Variants in IFI6 observed in about 807,000 individuals in gnomAD.
IFI6 encodes the protein interferon alpha-inducible protein 6.
Under a neutral mutation model 12.7 loss-of-function variants are expected in IFI6, and 10 were observed. That is an observed-to-expected ratio of 0.79 (90% CI 0.49 to 1.33). The LOEUF (loss-of-function observed/expected upper bound fraction) is 1.33. IFI6 is among the 40% of genes most tolerant of loss of function. IFI6 has a pLI of 0.00. For synonymous variants in IFI6, 89 were observed against 86.2 expected (o/e 1.03, Z -0.18); for missense variants, 154 against 180.4 (o/e 0.85, Z 0.84).
chr1:27,666,613 A>G (rs2090353795), intron 4 of IFI6, 138 bp from the exon 5 acceptor site: 1 of 479,888 alleles, frequency 2.1e-6, no homozygotes, highest in Non-Finnish European at 3.5e-6. Flanking sequence ...TGGCACTACT[A>G]CAAAGTGAGT....
At chr1:27,669,381 C>T in intron 1 of IFI6, 35 bp from the exon 2 acceptor site, 3 of 1,357,710 alleles carry the variant, frequency 2.2e-6, no homozygotes, top group Non-Finnish European at 3.1e-6. Context: ...GTCCCCGGAG[C>T]ATTTTTGGAG....
intron 4 of IFI6, among the ~76,000 whole-genome samples, chr1:27,667,838 AG>A (rs1407656533): frequency 1.3e-5 from 2 of 152,216 alleles, no homozygotes; most frequent in African/African-American, 4.8e-5. Flanking sequence ...TGGGACGCCG[AG>A]GCGGGCGGAT....
In IFI6 at chr1:27,666,075, T is replaced by G. The variant is rs879124254; in HGVS notation, c.*306A>C. The stretch of plus-strand genomic sequence containing the variant: ...ACAGCAGGACAAAGTGTTTTCTGGG[T>G]GAAGTTTATTCTGTTTTCACATCTA... On this transcript the variant is annotated 3_prime_UTR_variant, in exon 5 of 5. Transcript: ENST00000361157. 3.7e-5 allele frequency: 9 copies of G among 243,180 alleles called. No homozygotes were observed. The South Asian group carries it at 6.8e-4, about 18-fold the overall frequency. The allele number at this position is 243,180 out of a possible 1,614,324, so 15.1% of individuals were successfully genotyped here. A position where few individuals can be genotyped will look rare whatever the true frequency, so the allele number is the denominator to read the frequency against.
intron 1 of IFI6, among the ~76,000 whole-genome samples, chr1:27,669,740 C>A (rs185953331): frequency 6.6e-6 from 1 of 152,200 alleles, no homozygotes; most frequent in Non-Finnish European, 1.5e-5. Flanking sequence ...TCAGAGGGTA[C>A]TTGTTAATTT....
Position 27,666,289 on chromosome 1 carries a change from C to CAAAA in IFI6, c.*88_*91dup, listed in dbSNP as rs10649401. On this transcript the variant is annotated 3_prime_UTR_variant, in exon 5 of 5. Transcript: ENST00000361157. ...TGGACAATATAGTGAGAACCCATCT[C>CAAAA]AAAAAAAAAAAAAAAAAAAAAAAGG... The CAAAA allele has an allele frequency of 0.016, 3,963 of 251,028 alleles. 10 individuals are homozygous for CAAAA. The highest frequency in any genetic ancestry group is 0.019 in the South Asian group (615 of 33,216). The allele number at this position is 251,028 out of a possible 1,614,324, so 15.6% of individuals were successfully genotyped here. A position where few individuals can be genotyped will look rare whatever the true frequency, so the allele number is the denominator to read the frequency against.
intron 4 of IFI6, among the ~76,000 whole-genome samples, chr1:27,667,845 C>A (rs994497251): frequency 1.3e-5 from 2 of 152,222 alleles, no homozygotes; most frequent in East Asian, 1.9e-4. Context: ...CCGAGGCGGG[C>A]GGATCAGCTG....
intron 2 of IFI6, among the ~76,000 whole-genome samples, chr1:27,668,826 A>G (rs2090376975): frequency 6.6e-6 from 1 of 151,996 alleles, no homozygotes; most frequent in Non-Finnish European, 1.5e-5. Flanking sequence ...GGGTCTCTAC[A>G]GAAGCACGCC....
rs1409484440 is a variant in IFI6, at chr1:27,668,321, G to A, written c.203C>T (p.Ala68Val). 6.4e-7 allele frequency: 1 copy of A among 1,571,888 alleles called. No homozygotes were observed. The highest frequency in any genetic ancestry group is 8.6e-7 in the Non-Finnish European group (1 of 1,160,614). Residue 68 changes from alanine (A) to valine (V), a missense_variant, in exon 4 of 5, where the codon GCC becomes GTC. Physicochemically the swap from Ala to Val is moderately conservative, Grantham distance 64. Coordinates refer to ENST00000361157, the MANE Select transcript of IFI6 (RefSeq NM_002038.4). ...ALGFTGAGIA[A>V]NSVAASLMSW... ...CATCAGCGAGGCAGCCACCGAGTTGGCCGCGATGCCGGCGCCGGTGAAGCC... is the reference window on the plus strand; with the variant it reads ...CATCAGCGAGGCAGCCACCGAGTTGACCGCGATGCCGGCGCCGGTGAAGCC...
At chr1:27,670,801 G>A (rs1459838712) in intron 1 of IFI6, among the ~76,000 whole-genome samples, 5 of 152,092 alleles carry the variant, frequency 3.3e-5, no homozygotes, top group Non-Finnish European at 7.4e-5. Context: ...TTAAATCACT[G>A]CCCATTGGTA....
chr1:27,666,399 A>C lies in IFI6; in HGVS notation c.375T>G (p.Ser125Arg). The change falls in exon 5 of 5, where the codon AGT (serine) becomes AGG (arginine). Residue 125 changes from serine (S) to arginine (R), a missense_variant. Coordinates refer to ENST00000361157, the MANE Select transcript of IFI6 (RefSeq NM_002038.4). ...CTGCTGGCTACTCCTCATCCTCCTC[A>C]CTATCGAGATACTTGTGGGTGGCGT... ...MGYATHKYLDSEEDEE is the reference protein window; with the variant it reads ...MGYATHKYLDREEDEE The C allele has an allele frequency of 6.8e-6, 11 of 1,612,226 alleles. No individual in the cohort carries two copies. The highest frequency in any genetic ancestry group is 9.3e-6 in the Non-Finnish European group (11 of 1,179,298).
intron 1 of IFI6, among the ~76,000 whole-genome samples, chr1:27,671,084 A>T (rs2148545832): frequency 6.6e-6 from 1 of 152,214 alleles, no homozygotes; most frequent in East Asian, 1.9e-4. Context: ...AAACTGGAAA[A>T]TGCATATGCC....
chr1:27,668,244 C>A lies in IFI6; in HGVS notation c.280G>T (p.Ala94Ser). Reference protein sequence around the residue: ...GGGVPAGGLVATLQSLGAGGS... With the variant: ...GGGVPAGGLVSTLQSLGAGGS... ...CACTCACCGAGGCTCTGCAGCGTGG[C>A]CACTAGCCCCCCGGCGGGCACGCCG... The change falls in exon 4 of 5, where the codon GCC becomes TCC. Residue 94 changes from alanine (A) to serine (S), a missense_variant. Transcript: ENST00000361157. 2 of 1,568,060 alleles carry A rather than the reference C, an allele frequency of 1.3e-6. No individual in the cohort carries two copies. Among genetic ancestry groups the A allele is most frequent in the Non-Finnish European group, 1.7e-6 (2 of 1,162,534 alleles).
chr1:27,670,473 G>A (rs2090395895), intron 1 of IFI6: 1 of 147,452 alleles, frequency 6.8e-6, no homozygotes, highest in African/African-American at 2.5e-5. Context: ...TTTTTTTTGA[G>A]ATGGGGTTTC....
chr1:27,667,487 C>T (rs2090360769), intron 4 of IFI6, among the ~76,000 whole-genome samples: 2 of 152,038 alleles, frequency 1.3e-5, no homozygotes, highest in Non-Finnish European at 2.9e-5. Flanking sequence ...TTATCTGTTC[C>T]CTCCATGGTG....
Position 27,668,206 on chromosome 1 carries a change from G to A in IFI6, c.298+20C>T, listed in dbSNP as rs753785315. Reference sequence around the variant, plus strand: ...TAATAGTAAAGAACGTCCCACCAGGGGCCCAGGCCCCGCACTCACCGAGGC... The same window carrying A: ...TAATAGTAAAGAACGTCCCACCAGGAGCCCAGGCCCCGCACTCACCGAGGC... On this transcript the variant is annotated intron_variant, in intron 4 of 4. Coordinates refer to ENST00000361157, the MANE Select transcript of IFI6 (RefSeq NM_002038.4). 1.4e-6 allele frequency: 2 copies of A among 1,470,022 alleles called. No homozygotes were observed. The highest frequency in any genetic ancestry group is 2.5e-4 in the Middle Eastern group (1 of 4,076). 91.1% of individuals were successfully genotyped at this position (1,470,022 alleles called of 1,614,324 possible). A position where few individuals can be genotyped will look rare whatever the true frequency, so the allele number is the denominator to read the frequency against.
At chr1:27,669,068 CATCCTTACCCGCATCCTTACCT>C (rs2090382374) in intron 2 of IFI6, among the ~76,000 whole-genome samples, 155 bp downstream of exon 2, 4 of 150,724 alleles carry the variant, frequency 2.7e-5, no homozygotes, top group African/African-American at 7.3e-5. Flanking sequence ...TCCTTACCTG[CATCCTTACCCGCATCCTTACCT>C]GCACCCTTAC....
intron 4 of IFI6, 58 bp downstream of exon 4, chr1:27,668,168 T>G (rs2090365372): frequency 2.9e-6 from 4 of 1,386,060 alleles, no homozygotes; most frequent in Non-Finnish European, 3.8e-6. Flanking sequence ...TTTCCCCAGA[T>G]GTATGATGAA....
chr1:27,669,010 TCCTTACCC>T (rs765644908), intron 2 of IFI6, among the ~76,000 whole-genome samples: 126,300 of 148,728 alleles, frequency 0.85, 55,927 homozygotes, highest in Non-Finnish European at 0.97. Flanking sequence ...CTTACCCGCA[TCCTTACCC>T]GCACCCTTAC....
chr1:27,666,321 TC>T lies in IFI6; in HGVS notation c.*59del. On this transcript the variant is annotated 3_prime_UTR_variant, in exon 5 of 5. Transcript: ENST00000361157. ...AAAAAAAAAAAAAAAAAGGCAAAGT[TC>T]TAGATCCTAACTGGAAGAGTTAGGC... is the stretch of plus-strand genomic sequence containing the variant. 10 of 767,188 alleles carry T rather than the reference TC, an allele frequency of 1.3e-5. No homozygotes were observed. Among genetic ancestry groups the T allele is most frequent in the Non-Finnish European group, 2.1e-5 (10 of 482,030 alleles). 47.5% of individuals were successfully genotyped at this position (767,188 alleles called of 1,614,324 possible).
Sources: allele counts gnomAD v4.1 joint callset (sites outside exome capture counted in the v4.1 genomes callset), GRCh38; gene constraint gnomAD v4.1.1; transcripts MANE v1.5; gene names NCBI Gene and HGNC (gene_info 2026-07-23, HGNC 2026-07-21).